WDR70: variants seen among roughly 807,000 people sequenced by gnomAD.
WDR70 encodes WD repeat domain 70, also known as WD repeat-containing protein 70.
WDR70 carries 53 observed loss-of-function variants against 88.6 expected under a neutral mutation model. That is an observed-to-expected ratio of 0.60 (90% CI 0.48 to 0.75). WDR70 has a LOEUF of 0.75. WDR70 is among the 30% of genes least tolerant of loss of function. The pLI is 0.00. For missense variants in WDR70, 610 were observed against 823.2 expected (o/e 0.74, Z 3.17); for synonymous variants, 280 against 270.0 (o/e 1.04, Z -0.36).
chr5:37,572,285 GACTGGGA>G (rs1351093405), intron 9 of WDR70, among the ~76,000 whole-genome samples: 2 of 151,976 alleles, frequency 1.3e-5, no homozygotes, highest in African/African-American at 4.8e-5. Context: ...GTTGTGGTGG[GACTGGGA>G]AAGCCTTGGT....
intron 7 of WDR70, among the ~76,000 whole-genome samples, chr5:37,447,288 AC>A (rs1367189145): frequency 6.6e-6 from 1 of 152,176 alleles, no homozygotes. Context: ...TCAGGAAACA[AC>A]TAGTGCTGGA....
intron 9 of WDR70, among the ~76,000 whole-genome samples, chr5:37,526,938 T>A (rs1449981846): frequency 2.6e-5 from 4 of 152,090 alleles, no homozygotes; most frequent in African/African-American, 9.7e-5. Flanking sequence ...GTGAAGGACC[T>A]CTTCAAGGAG....
Position 37,425,684 on chromosome 5 carries a change from C to T in WDR70, c.493-12238C>T, listed in dbSNP as rs911260307. Among the ~76,000 whole-genome samples, 8 of 151,932 alleles carry T rather than the reference C, an allele frequency of 5.3e-5. No individual in the cohort carries two copies. In the East Asian group the frequency reaches 1.5e-3, roughly 29 times the overall value. On this transcript the variant is annotated intron_variant, in intron 5 of 17. Coordinates refer to ENST00000265107, the MANE Select transcript of WDR70 (RefSeq NM_018034.4). Reference sequence around the variant, plus strand: ...GTTTTTTTTCTTTTTTCCCCCTAAGCCTTAGTTTGTCTATAATTATAATGA... The same window carrying T: ...GTTTTTTTTCTTTTTTCCCCCTAAGTCTTAGTTTGTCTATAATTATAATGA...
chr5:37,423,713 G>A (rs1750025225), intron 5 of WDR70, among the ~76,000 whole-genome samples: 1 of 150,126 alleles, frequency 6.7e-6, no homozygotes, highest in African/African-American at 2.4e-5. Flanking sequence ...ACAGGCAGCC[G>A]CCACCACACC....
intron 10 of WDR70, among the ~76,000 whole-genome samples, chr5:37,684,264 G>A (rs1053360867): frequency 3.3e-5 from 5 of 152,084 alleles, no homozygotes; most frequent in East Asian, 1.9e-4. Flanking sequence ...AGTGATCTTT[G>A]TTCCTATCTA....
chr5:37,406,973 G>A (rs1380723149), intron 5 of WDR70, among the ~76,000 whole-genome samples: 1 of 152,098 alleles, frequency 6.6e-6, no homozygotes, highest in African/African-American at 2.4e-5. Flanking sequence ...TGAAACAAAA[G>A]GAACTAACGA....
At chr5:37,567,697 A>T (rs1742783289) in intron 9 of WDR70, among the ~76,000 whole-genome samples, 1 of 151,848 alleles carries the variant, frequency 6.6e-6, no homozygotes, top group Non-Finnish European at 1.5e-5. Flanking sequence ...TAGTCATCAT[A>T]AAAAAAAGGG....
intron 7 of WDR70, among the ~76,000 whole-genome samples, chr5:37,475,939 G>A (rs551131797): frequency 6.8e-4 from 100 of 146,306 alleles, no homozygotes; most frequent in Admixed American, 4.3e-3. Flanking sequence ...TCCACCTCCC[G>A]GGTTCAAGCA....
chr5:37,621,605 T>G (rs1010964674), intron 10 of WDR70, among the ~76,000 whole-genome samples: 1 of 152,180 alleles, frequency 6.6e-6, no homozygotes, highest in Admixed American at 6.5e-5. Flanking sequence ...TTTGTTTGAG[T>G]TCATTGTAGA....
At chr5:37,712,889 A>T (rs1185739136) in intron 13 of WDR70, among the ~76,000 whole-genome samples, 1 of 151,944 alleles carries the variant, frequency 6.6e-6, no homozygotes, top group Non-Finnish European at 1.5e-5. Flanking sequence ...CTTAGTAGAA[A>T]CAGGGTTTCA....
At chr5:37,646,963 G>A (rs1034904605) in intron 10 of WDR70, among the ~76,000 whole-genome samples, 1 of 151,966 alleles carries the variant, frequency 6.6e-6, no homozygotes, top group African/African-American at 2.4e-5. Flanking sequence ...CTCCCATCTC[G>A]ATTATTTTTT....
At chr5:37,658,982 A>T (rs1745629341) in intron 10 of WDR70, among the ~76,000 whole-genome samples, 1 of 152,192 alleles carries the variant, frequency 6.6e-6, no homozygotes, top group South Asian at 2.1e-4. Flanking sequence ...ATTTGGGCTA[A>T]TTAATCCCTG....
intron 9 of WDR70, among the ~76,000 whole-genome samples, chr5:37,582,048 A>G (rs1331426485): frequency 6.6e-6 from 1 of 152,164 alleles, no homozygotes; most frequent in Non-Finnish European, 1.5e-5. Flanking sequence ...TCTTACTAGG[A>G]TGTTTGACAT....
chr5:37,527,271 G>A (rs1411858419), intron 9 of WDR70, among the ~76,000 whole-genome samples: 16 of 152,096 alleles, frequency 1.1e-4, no homozygotes, highest in East Asian at 3.8e-4. Context: ...CATGGTACTC[G>A]TACCAAAACA....
At chr5:37,587,208 C>G (rs1277940153) in intron 9 of WDR70, among the ~76,000 whole-genome samples, 1 of 152,054 alleles carries the variant, frequency 6.6e-6, no homozygotes, top group African/African-American at 2.4e-5. Flanking sequence ...TTCACAGTCT[C>G]CTAGAGTATA....
chr5:37,589,633 G>C (rs1743469541), intron 9 of WDR70, among the ~76,000 whole-genome samples: 1 of 151,972 alleles, frequency 6.6e-6, no homozygotes, highest in Non-Finnish European at 1.5e-5. Context: ...AGGCTGGAGT[G>C]CAGTGGTGCC....
chr5:37,545,815 C>T (rs950799813), intron 9 of WDR70, among the ~76,000 whole-genome samples: 3 of 152,178 alleles, frequency 2.0e-5, no homozygotes, highest in South Asian at 2.1e-4. Flanking sequence ...TGAGCCACGA[C>T]GCCCAGCCAA....
At chr5:37,577,502 G>C (rs745984638) in intron 9 of WDR70, among the ~76,000 whole-genome samples, 1 of 151,990 alleles carries the variant, frequency 6.6e-6, no homozygotes, top group Admixed American at 6.6e-5. Flanking sequence ...TAATTAAATC[G>C]TACATATATA....
intron 9 of WDR70, among the ~76,000 whole-genome samples, chr5:37,517,510 G>A (rs1047957527): frequency 6.6e-6 from 1 of 151,920 alleles, no homozygotes; most frequent in Admixed American, 6.6e-5. Flanking sequence ...TGGAATTACA[G>A]GCATGCATCA....
Sources: gnomAD v4.1 joint callset for allele counts (sites outside exome capture counted in the v4.1 genomes callset) on GRCh38, gnomAD v4.1.1 for gene constraint, MANE v1.5 for transcripts, NCBI Gene and HGNC (gene_info 2026-07-23, HGNC 2026-07-21) for gene names.